NFIB: variants seen among roughly 807,000 people sequenced by gnomAD.
The protein encoded by NFIB is nuclear factor I B, also known as nuclear factor 1 B-type.
A neutral mutation model predicts 61.5 loss-of-function variants in NFIB; 11 were observed. That is an observed-to-expected ratio of 0.18 (90% CI 0.11 to 0.30). The LOEUF is 0.30. NFIB is among the 10% of genes least tolerant of loss of function. The pLI is 1.00. For synonymous variants in NFIB, 260 were observed against 216.5 expected (o/e 1.20, Z -1.76); for missense variants, 471 against 608.9 (o/e 0.77, Z 2.38).
intron 1 of NFIB, among the ~76,000 whole-genome samples, chr9:14,382,441 T>G (rs1262954257): frequency 2.0e-5 from 3 of 152,082 alleles, no homozygotes; most frequent in Non-Finnish European, 2.9e-5. Context: ...CTCTTCCCAG[T>G]AGAATATAAG....
intron 1 of NFIB, among the ~76,000 whole-genome samples, chr9:14,377,182 A>T (rs2061429870): frequency 1.3e-5 from 2 of 152,136 alleles, no homozygotes; most frequent in African/African-American, 2.4e-5. Flanking sequence ...AATATATAAA[A>T]ATTCTTTTGT....
At position 14,144,556 on chromosome 9, in the gene NFIB, C is replaced by T. The variant is rs187819725; in HGVS notation, c.925+2133G>A. Among the ~76,000 whole-genome samples, 17 of 152,308 alleles carry T rather than the reference C, an allele frequency of 1.1e-4. No homozygotes were observed. In the East Asian group the frequency reaches 2.7e-3, roughly 24 times the overall value. On this transcript the variant is annotated intron_variant, in intron 6 of 10. Transcript: ENST00000380953. Reference sequence around the variant, plus strand: ...TATCAATGGTTCATTTATACAACTACTTATTGTACTCCTACTACGCACCAA... The same window carrying T: ...TATCAATGGTTCATTTATACAACTATTTATTGTACTCCTACTACGCACCAA...
intron 1 of NFIB, among the ~76,000 whole-genome samples, chr9:14,382,163 G>A (rs898238524): frequency 6.6e-6 from 1 of 152,196 alleles, no homozygotes; most frequent in African/African-American, 2.4e-5. Flanking sequence ...TAGCTGAATT[G>A]TTGAGTTAGC....
chr9:14,341,006 C>A (rs2060943074), intron 1 of NFIB, among the ~76,000 whole-genome samples: 1 of 152,166 alleles, frequency 6.6e-6, no homozygotes, highest in Non-Finnish European at 1.5e-5. Context: ...AAATACCTGT[C>A]TGCCATTGGT....
At chr9:14,276,436 C>A (rs989172036) in intron 2 of NFIB, among the ~76,000 whole-genome samples, 24 of 152,060 alleles carry the variant, frequency 1.6e-4, no homozygotes, top group African/African-American at 4.3e-4. Context: ...CATAGAATGA[C>A]CTTCAGAGCA....
In NFIB at chr9:14,254,302, A is replaced by AAAAAAC. The variant is rs1554689880; in HGVS notation, c.562+52686_562+52687insGTTTTT. The stretch of plus-strand genomic sequence containing the variant: ...GGCAACAGAGTGACACTGTCTCAAA[A>AAAAAAC]AAAACAAAACAAAACAAAACAAAAC... On this transcript the variant is annotated intron_variant, in intron 2 of 10. Transcript: ENST00000380953. 7.1e-3 allele frequency among the ~76,000 whole-genome samples: 1,057 copies of AAAAAAC among 148,838 alleles called. 12 individuals carry two copies. The highest frequency in any genetic ancestry group is 0.023 in the African/African-American group (898 of 38,914).
intron 2 of NFIB, among the ~76,000 whole-genome samples, chr9:14,240,791 T>G (rs2054267248): frequency 6.6e-6 from 1 of 152,056 alleles, no homozygotes; most frequent in South Asian, 2.1e-4. Context: ...TTTGGCAAAC[T>G]CTCCCAAGCC....
At chr9:14,471,083 A>G in the NFIB span, among the ~76,000 whole-genome samples, 1 of 152,256 alleles carries the variant, frequency 6.6e-6, no homozygotes. Context: ...TTATCTCTAC[A>G]GTAAGCATAT....
At chr9:14,296,432 T>C (rs1191723796) in intron 2 of NFIB, among the ~76,000 whole-genome samples, 1 of 152,232 alleles carries the variant, frequency 6.6e-6, no homozygotes, top group African/African-American at 2.4e-5. Flanking sequence ...TGCACATGAT[T>C]TTTGTTACAA....
chr9:14,252,967 A>AGGG (rs1554689579), intron 2 of NFIB, among the ~76,000 whole-genome samples: 10 of 137,386 alleles, frequency 7.3e-5, no homozygotes, highest in African/African-American at 2.7e-4. Flanking sequence ...GGAAGGAAGG[A>AGGG]AGGGAGGGAG....
intron 2 of NFIB, among the ~76,000 whole-genome samples, chr9:14,190,883 G>C (rs1340466410): frequency 6.6e-6 from 1 of 152,146 alleles, no homozygotes; most frequent in African/African-American, 2.4e-5. Context: ...GTCACTTAAA[G>C]AGAACAGTTT....
intron 4 of NFIB, among the ~76,000 whole-genome samples, chr9:14,155,428 A>C (rs776730533): frequency 7.2e-5 from 11 of 152,066 alleles, no homozygotes; most frequent in Non-Finnish European, 1.3e-4. Flanking sequence ...TGCATCTCCA[A>C]CCCCCACCAA....
chr9:14,120,360 TCTGA>T lies in NFIB; in HGVS notation c.1245+76_1245+79del, dbSNP rs370882567. On this transcript the variant is annotated intron_variant, in intron 8 of 10. Transcript: ENST00000380953. This position sits in a 1 kb window ranked among gnomAD's most constrained non-coding sequence, Gnocchi z 4.4. ...GCTTGACGTTCTGCCAGACACACTGTCTGACTAACCTTTGTGTCTCAGAATTAGA... is the reference window on the plus strand; with the variant it reads ...GCTTGACGTTCTGCCAGACACACTGTCTAACCTTTGTGTCTCAGAATTAGA... 7.8e-3 allele frequency: 11,308 copies of T among 1,452,900 alleles called. 58 individuals carry two copies. The highest frequency in any genetic ancestry group is 9.9e-3 in the Non-Finnish European group (10,216 of 1,036,412). 90.0% of individuals were successfully genotyped at this position (1,452,900 alleles called of 1,614,324 possible).
At chr9:14,160,462 T>C (rs2044026460) in intron 3 of NFIB, among the ~76,000 whole-genome samples, 1 of 152,096 alleles carries the variant, frequency 6.6e-6, no homozygotes, top group Non-Finnish European at 1.5e-5. Context: ...CAGAAAGCAG[T>C]TATTAAATTC....
At chr9:14,276,241 C>G (rs2057988179) in intron 2 of NFIB, among the ~76,000 whole-genome samples, 1 of 152,134 alleles carries the variant, frequency 6.6e-6, no homozygotes, top group East Asian at 1.9e-4. Context: ...ATCCCCAGAT[C>G]TAGACTATCT....
the NFIB span, among the ~76,000 whole-genome samples, chr9:14,485,999 G>C: frequency 2.6e-5 from 4 of 152,168 alleles, no homozygotes; most frequent in African/African-American, 9.7e-5. Context: ...GCTATAAGTA[G>C]AGGAAGGAAA....
At chr9:14,427,247 G>C in the NFIB span, among the ~76,000 whole-genome samples, 1 of 152,056 alleles carries the variant, frequency 6.6e-6, no homozygotes, top group Admixed American at 6.6e-5. Flanking sequence ...TCATCTTTAT[G>C]TGTGGCATAC....
chr9:14,304,076 G>A (rs1298702496), intron 2 of NFIB, among the ~76,000 whole-genome samples: 2 of 152,336 alleles, frequency 1.3e-5, no homozygotes, highest in Admixed American at 6.5e-5. Context: ...TCATGGCCAC[G>A]TGATGCAAAA....
the NFIB span, among the ~76,000 whole-genome samples, chr9:14,410,212 AC>A: frequency 6.6e-6 from 1 of 151,832 alleles, no homozygotes; most frequent in African/African-American, 2.4e-5. Context: ...AAAAAAAAAA[AC>A]TTTTCCAAAA....
Sources: gnomAD v4.1 joint callset for allele counts (sites outside exome capture counted in the v4.1 genomes callset) on GRCh38, gnomAD v4.1.1 for gene constraint, Gnocchi (gnomAD v3.1) non-coding constraint, MANE v1.5 for transcripts, NCBI Gene and HGNC (gene_info 2026-07-23, HGNC 2026-07-21) for gene names.